The following DIP2C variants were observed in gnomAD, a reference collection of about 807,000 sequenced individuals.
The protein encoded by DIP2C is DIP2 acetate--CoA ligase C (putative).
A neutral mutation model predicts 192.4 loss-of-function variants in DIP2C; 33 were observed. That is an observed-to-expected ratio of 0.17 (90% CI 0.13 to 0.23). The LOEUF (loss-of-function observed/expected upper bound fraction) is 0.23. Ranked by LOEUF, DIP2C falls within the 10% of genes least tolerant of loss-of-function variation. The probability of loss-of-function intolerance (pLI) is 1.00; values close to 1 mark genes in which losing one functional copy is unlikely to be tolerated. For missense variants in DIP2C, 1,537 were observed against 2,110.1 expected (o/e 0.73, Z 5.32); for synonymous variants, 979 against 864.1 (o/e 1.13, Z -2.33).
chr10:595,768 G>T (rs764723834), intron 1 of DIP2C, among the ~76,000 whole-genome samples: 4 of 152,116 alleles, frequency 2.6e-5, no homozygotes, highest in Admixed American at 6.5e-5. Context: ...TTCAATAAGG[G>T]TTTGGTTGGG....
At chr10:443,737 A>AC (rs1253782076) in intron 3 of DIP2C, among the ~76,000 whole-genome samples, 1 of 152,106 alleles carries the variant, frequency 6.6e-6, no homozygotes. Flanking sequence ...GGCTCCTGTT[A>AC]CCCTCAATAT....
At chr10:505,834 A>G (rs528764246) in intron 1 of DIP2C, among the ~76,000 whole-genome samples, 96 of 152,246 alleles carry the variant, frequency 6.3e-4, no homozygotes, top group Admixed American at 1.6e-3. Flanking sequence ...CTGCCCAGCC[A>G]TATTTCCTCT....
At chr10:604,681 T>TGAC (rs991945287) in intron 1 of DIP2C, among the ~76,000 whole-genome samples, 2 of 152,060 alleles carry the variant, frequency 1.3e-5, no homozygotes, top group African/African-American at 4.8e-5. Context: ...GTTCTCTAAT[T>TGAC]AAATTAATTT....
chr10:685,469 T>C (rs1030733458), intron 1 of DIP2C, among the ~76,000 whole-genome samples: 12 of 152,000 alleles, frequency 7.9e-5, no homozygotes, highest in African/African-American at 2.7e-4. Context: ...AAAACTTCTC[T>C]TCCACCAAAA....
chr10:456,856 G>A (rs574265183), intron 3 of DIP2C, among the ~76,000 whole-genome samples: 20 of 152,346 alleles, frequency 1.3e-4, no homozygotes, highest in Non-Finnish European at 2.8e-4. Flanking sequence ...TCAAGACAGA[G>A]TGAAGGCAAG....
rs549094682 is a variant in DIP2C, at chr10:438,432, T to C, written c.394+2439A>G. Among the ~76,000 whole-genome samples, 100 of 152,306 alleles carry C rather than the reference T, an allele frequency of 6.6e-4. 1 individual carries two copies. The highest frequency in any genetic ancestry group is 2.3e-3 in the African/African-American group (95 of 41,582). ...TAGTTACACAAAGAACACATACAAA[T>C]AACATTTTTTTACCATAAGTTTTGG... On this transcript the variant is annotated intron_variant, in intron 4 of 36. Coordinates refer to ENST00000280886, the MANE Select transcript of DIP2C (RefSeq NM_014974.3).
rs1442573920 is a variant in DIP2C, at chr10:417,796, CCCTGTCCACCTGTTCCTGTCAGGGCGCG to C, written c.739+1241_739+1268del. ...CACCTGTCAGGGCTCGGATAGGCCT[CCCTGTCCACCTGTTCCTGTCAGGGCGCG>C]GACAGGCCTCCCTGTCCACCTGCAC... On this transcript the variant is annotated intron_variant, in intron 6 of 36. Transcript: ENST00000280886. Among the ~76,000 whole-genome samples, 20 of 111,226 alleles carry C rather than the reference CCCTGTCCACCTGTTCCTGTCAGGGCGCG, an allele frequency of 1.8e-4. 3 individuals are homozygous for C. Among genetic ancestry groups the C allele is most frequent in the Admixed American group, 3.4e-4 (4 of 11,826 alleles). 73.0% of individuals were successfully genotyped at this position (111,226 alleles called of 152,430 possible). A position where few individuals can be genotyped will look rare whatever the true frequency, so the allele number is the denominator to read the frequency against.
At chr10:634,426 G>A (rs978832973) in intron 1 of DIP2C, among the ~76,000 whole-genome samples, 25 of 152,236 alleles carry the variant, frequency 1.6e-4, no homozygotes, top group Admixed American at 6.5e-5. Flanking sequence ...GGAGAATGAG[G>A]TGGTTTCAGG....
intron 1 of DIP2C, among the ~76,000 whole-genome samples, chr10:539,129 T>C (rs1037832616): frequency 1.3e-5 from 2 of 152,258 alleles, no homozygotes; most frequent in African/African-American, 2.4e-5. Context: ...TTCACATCAT[T>C]CTGTGGGTTT....
At chr10:344,088 A>G (rs1958291994) in intron 28 of DIP2C, among the ~76,000 whole-genome samples, 1 of 152,210 alleles carries the variant, frequency 6.6e-6, no homozygotes, top group Admixed American at 6.5e-5. Context: ...CGCTGAGACT[A>G]TAAGCGGGCC....
rs368181106 is a variant in DIP2C, at chr10:600,511, G to A, written c.85+88983C>T. The stretch of plus-strand genomic sequence containing the variant: ...ACGGCCCAGGGTGTTCGGATGCTCC[G>A]GAGCGACCCCACAAGCCCTGTCCAC... On this transcript the variant is annotated intron_variant, in intron 1 of 36. Transcript: ENST00000280886. 6.7e-5 allele frequency among the ~76,000 whole-genome samples: 10 copies of A among 149,626 alleles called. No individual in the cohort carries two copies. In the East Asian group the frequency reaches 7.8e-4, roughly 12 times the overall value.
chr10:397,014 G>A (rs191280048), intron 10 of DIP2C, among the ~76,000 whole-genome samples: 1 of 152,288 alleles, frequency 6.6e-6, no homozygotes, highest in East Asian at 1.9e-4. Flanking sequence ...GGAACCCCGT[G>A]TTCTCTCCCT....
intron 32 of DIP2C, among the ~76,000 whole-genome samples, chr10:297,887 C>T (rs183173925): frequency 1.6e-4 from 24 of 152,302 alleles, no homozygotes; most frequent in Admixed American, 5.2e-4. Flanking sequence ...TGTATTGAAA[C>T]ATATACCCTA....
chr10:657,481 C>T (rs1856438824), intron 1 of DIP2C, among the ~76,000 whole-genome samples: 1 of 21,846 alleles, frequency 4.6e-5, no homozygotes, highest in African/African-American at 1.0e-4. Flanking sequence ...GGACCTGCCC[C>T]TGGACCTGCC....
At chr10:650,187 G>A in intron 1 of DIP2C, 1 of 717,466 alleles carries the variant, frequency 1.4e-6, no homozygotes. Flanking sequence ...AGGTCCTGCG[G>A]GGTGGGTGGT....
chr10:399,734 A>G (rs896018114), intron 9 of DIP2C, among the ~76,000 whole-genome samples: 1 of 152,152 alleles, frequency 6.6e-6, no homozygotes, highest in Non-Finnish European at 1.5e-5. Flanking sequence ...GTCAAATGAG[A>G]GAATGCACAT....
In DIP2C at chr10:612,360, AAAT is replaced by A. The variant is rs544417340; in HGVS notation, c.85+77131_85+77133del. ...ATGTCAAATATATCAGCTAAAAGAA[AAAT>A]AATATGAAAGCATGTGTTTACATTT... On this transcript the variant is annotated intron_variant, in intron 1 of 36. Coordinates refer to ENST00000280886, the MANE Select transcript of DIP2C (RefSeq NM_014974.3). 5.2e-3 allele frequency among the ~76,000 whole-genome samples: 796 copies of A among 152,332 alleles called. 10 individuals carry two copies. The highest frequency in any genetic ancestry group is 0.015 in the African/African-American group (643 of 41,570).
chr10:504,960 T>C (rs1216225375), intron 1 of DIP2C, among the ~76,000 whole-genome samples: 1 of 152,170 alleles, frequency 6.6e-6, no homozygotes, highest in Non-Finnish European at 1.5e-5. Flanking sequence ...CATGTGACTC[T>C]CAGTGCTAGG....
At chr10:365,521 A>C (rs974000883) in intron 19 of DIP2C, among the ~76,000 whole-genome samples, 1 of 152,250 alleles carries the variant, frequency 6.6e-6, no homozygotes, top group African/African-American at 2.4e-5. Flanking sequence ...TGAGTGACAG[A>C]GCAAGACCCT....
Sources: gnomAD v4.1 joint callset for allele counts (sites outside exome capture counted in the v4.1 genomes callset) on GRCh38, gnomAD v4.1.1 for gene constraint, MANE v1.5 for transcripts, NCBI Gene and HGNC (gene_info 2026-07-23, HGNC 2026-07-21) for gene names.